Variants in PLA2G4C observed in about 807,000 individuals in gnomAD.
PLA2G4C encodes phospholipase A2 group IVC.
A neutral mutation model predicts 73.8 loss-of-function variants in PLA2G4C; 64 were observed. The ratio of observed to expected loss-of-function variants is 0.87; its 90% CI spans 0.71 to 1.07. The LOEUF is 1.07. Among genes scored for constraint, PLA2G4C ranks in the 50% least tolerant of loss-of-function variants. The pLI is 0.00. For synonymous variants in PLA2G4C, 254 were observed against 252.1 expected (o/e 1.01, Z -0.07); for missense variants, 622 against 665.4 (o/e 0.93, Z 0.72).
Position 48,099,831 on chromosome 19 carries a change from C to G in PLA2G4C, c.287G>C (p.Gly96Ala). ...WAISSLYTND[G>A]DMEALEADLK... ...GTCAGCCTCGAGAGCTTCCATGTCA[C>G]CATCATTGGTGTAGAGAGAAGATAT... The change falls in exon 5 of 17, where the codon GGT becomes GCT. Residue 96 changes from glycine (G) to alanine (A), a missense_variant. By Grantham distance (60) the Gly-to-Ala change is moderately conservative (BLOSUM62 0). Coordinates refer to ENST00000599921, the MANE Select transcript of PLA2G4C (RefSeq NM_003706.3). The G allele has an allele frequency of 6.2e-7, 1 of 1,613,626 alleles. No homozygotes were observed. The highest frequency in any genetic ancestry group is 1.1e-5 in the South Asian group (1 of 91,054).
intron 7 of PLA2G4C, among the ~76,000 whole-genome samples, chr19:48,095,206 G>A (rs535421416): frequency 1.3e-5 from 2 of 152,168 alleles, no homozygotes; most frequent in East Asian, 3.9e-4. Flanking sequence ...CACAGCCCTG[G>A]ACTTGAGCCC....
intron 15 of PLA2G4C, 35 bp from the exon 16 acceptor site, chr19:48,053,182 C>G (rs1967791040): frequency 6.6e-7 from 1 of 1,504,470 alleles, no homozygotes; most frequent in Admixed American, 1.8e-5. Flanking sequence ...GAAAAGGCAT[C>G]ATGAGTTTGG....
At chr19:48,069,710 T>A (rs949089973) in intron 12 of PLA2G4C, among the ~76,000 whole-genome samples, 1 of 152,292 alleles carries the variant, frequency 6.6e-6, no homozygotes, top group East Asian at 1.9e-4. Flanking sequence ...AGCTAGATGC[T>A]GATTTGAATT....
chr19:48,107,622 C>T (rs917862057), intron 1 of PLA2G4C, among the ~76,000 whole-genome samples: 2 of 152,136 alleles, frequency 1.3e-5, no homozygotes, highest in South Asian at 2.1e-4. Flanking sequence ...TCCCTTTCCC[C>T]GGGGGAGTTA....
chr19:48,075,099 C>T (rs1265024963), intron 11 of PLA2G4C, among the ~76,000 whole-genome samples: 1 of 152,012 alleles, frequency 6.6e-6, no homozygotes, highest in Non-Finnish European at 1.5e-5. Flanking sequence ...TCTGCCTCCA[C>T]CTCTACTCAT....
intron 7 of PLA2G4C, among the ~76,000 whole-genome samples, chr19:48,091,635 T>C (rs1654382): frequency 0.091 from 13,910 of 152,040 alleles, 1,384 homozygotes; most frequent in African/African-American, 0.25. Context: ...ACGCCTGTAA[T>C]GCTAACACTT....
At chr19:48,054,360 G>A (rs1051207106) in intron 15 of PLA2G4C, among the ~76,000 whole-genome samples, 1 of 152,066 alleles carries the variant, frequency 6.6e-6, no homozygotes, top group Non-Finnish European at 1.5e-5. Context: ...CTGGAGTGCA[G>A]GAGCGCGATC....
chr19:48,055,064 A>G lies in PLA2G4C; in HGVS notation c.1258-15T>C, dbSNP rs1272000790. 6.3e-7 allele frequency: 1 copy of G among 1,584,186 alleles called. No homozygotes were observed. ...GCCCGGATGGTCTGAGAAGGAGGCA[A>G]TAAGAAATGGTTGCAAGACCTCTCC... On this transcript the variant is annotated splice_polypyrimidine_tract_variant and intron_variant, in intron 14 of 16. Coordinates refer to ENST00000599921, the MANE Select transcript of PLA2G4C (RefSeq NM_003706.3).
Position 48,048,551 on chromosome 19 carries a change from C to G in PLA2G4C, c.1581-163G>C, listed in dbSNP as rs1261561804. Among the ~76,000 whole-genome samples the G allele has an allele frequency of 2.6e-5, 4 of 152,210 alleles. No individual in the cohort carries two copies. The East Asian group carries it at 7.7e-4, about 29-fold the overall frequency. ...TTGAGAAGACCTGGAGCTCCACCAC[C>G]TCCTCCTGTGGAGCTCTTGTGATCT... On this transcript the variant is annotated intron_variant, in intron 16 of 16. Coordinates refer to ENST00000599921, the MANE Select transcript of PLA2G4C (RefSeq NM_003706.3).
intron 4 of PLA2G4C, among the ~76,000 whole-genome samples, chr19:48,101,821 C>T (rs910317398): frequency 1.7e-4 from 25 of 151,458 alleles, no homozygotes; most frequent in Non-Finnish European, 2.8e-4. Context: ...ATTACAGGTG[C>T]GTGCCACCAC....
At chr19:48,080,326 A>C (rs1390478592) in intron 10 of PLA2G4C, among the ~76,000 whole-genome samples, 5 of 152,192 alleles carry the variant, frequency 3.3e-5, no homozygotes, top group Non-Finnish European at 5.9e-5. Flanking sequence ...TTCAAAAAAA[A>C]CCATAGACGT....
chr19:48,061,834 G>T (rs1255917537), intron 14 of PLA2G4C, 164 bp downstream of exon 14: 2 of 696,174 alleles, frequency 2.9e-6, no homozygotes, highest in South Asian at 1.7e-5. Flanking sequence ...GCCGACCGCG[G>T]GTGCTTCGGG....
rs1968679547 is a variant in PLA2G4C, at chr19:48,072,016, C to G, written c.1006+2751G>C. The stretch of plus-strand genomic sequence containing the variant: ...CAAAAATTAGCCGGGTGTGGTGGTG[C>G]ATGCCTGTGGTCCCAGCTACTCGGG... On this transcript the variant is annotated intron_variant, in intron 12 of 16. Coordinates refer to ENST00000599921, the MANE Select transcript of PLA2G4C (RefSeq NM_003706.3). The surrounding 1 kb of genome is among the most constrained non-coding windows in gnomAD (Gnocchi z 4.4). Among the ~76,000 whole-genome samples the G allele has an allele frequency of 6.6e-6, 1 of 151,550 alleles. No individual in the cohort carries two copies. The highest frequency in any genetic ancestry group is 2.4e-5 in the African/African-American group (1 of 41,300).
At chr19:48,081,792 A>G (rs2030587204) in intron 10 of PLA2G4C, among the ~76,000 whole-genome samples, 1 of 150,856 alleles carries the variant, frequency 6.6e-6, no homozygotes, top group African/African-American at 2.4e-5. Context: ...AAAACACTAC[A>G]CATTGGGGCC....
chr19:48,084,263 T>A (rs1391417431), intron 10 of PLA2G4C, among the ~76,000 whole-genome samples: 1 of 152,150 alleles, frequency 6.6e-6, no homozygotes, highest in East Asian at 1.9e-4. Flanking sequence ...TTTCACCATG[T>A]TACCCAGCTT....
At position 48,061,604 on chromosome 19, in the gene PLA2G4C, C is replaced by G. The variant is rs542337562; in HGVS notation, c.1257+394G>C. On this transcript the variant is annotated intron_variant, in intron 14 of 16. Coordinates refer to ENST00000599921, the MANE Select transcript of PLA2G4C (RefSeq NM_003706.3). ...CACTCAGCAAACATTTATTGAGGGC[C>G]ACTATTTGCCCAGGAAACCCAGATG... 1.9e-5 allele frequency: 4 copies of G among 205,316 alleles called. No homozygotes were observed. The South Asian group carries it at 2.2e-4, about 11-fold the overall frequency. The allele number at this position is 205,316 out of a possible 1,614,324, so 12.7% of individuals were successfully genotyped here. A position where few individuals can be genotyped will look rare whatever the true frequency, so the allele number is the denominator to read the frequency against.
intron 16 of PLA2G4C, among the ~76,000 whole-genome samples, chr19:48,049,521 C>T (rs1236482742): frequency 6.6e-6 from 1 of 152,098 alleles, no homozygotes; most frequent in African/African-American, 2.4e-5. Flanking sequence ...GAGGTACATT[C>T]TACAAGAGCA....
intron 12 of PLA2G4C, among the ~76,000 whole-genome samples, chr19:48,073,504 A>G (rs1355293266): frequency 1.3e-5 from 2 of 151,762 alleles, no homozygotes; most frequent in Non-Finnish European, 2.9e-5. Context: ...TGCTAGTAGG[A>G]GAGTTATTAT....
chr19:48,094,979 T>C (rs2031493053), intron 7 of PLA2G4C, among the ~76,000 whole-genome samples: 1 of 152,096 alleles, frequency 6.6e-6, no homozygotes, highest in African/African-American at 2.4e-5. Context: ...TGAACTCCCA[T>C]GCTGAAGTGA....
Sources: allele counts gnomAD v4.1 joint callset (sites outside exome capture counted in the v4.1 genomes callset), GRCh38; gene constraint gnomAD v4.1.1; non-coding constraint Gnocchi (gnomAD v3.1); transcripts MANE v1.5; gene names NCBI Gene and HGNC (gene_info 2026-07-23, HGNC 2026-07-21).